Variants in PTPRU observed in about 807,000 individuals in gnomAD.
PTPRU encodes protein tyrosine phosphatase receptor type U.
PTPRU carries 69 observed loss-of-function variants against 166.3 expected under a neutral mutation model. The ratio of observed to expected loss-of-function variants is 0.41; its 90% confidence interval spans 0.34 to 0.51. The LOEUF (loss-of-function observed/expected upper bound fraction) is 0.51. Among genes scored for constraint, PTPRU ranks in the 20% least tolerant of loss-of-function variants. The pLI is 0.09. For synonymous variants in PTPRU, 793 were observed against 814.0 expected, an observed-to-expected ratio of 0.97 and a Z score of 0.44; for missense variants, 1,657 against 2,013.7, an observed-to-expected ratio of 0.82 and a Z score of 3.39.
In PTPRU at chr1:29,325,344, G is replaced by C; in HGVS notation, c.4248+18G>C. On this transcript the variant is annotated intron_variant, in intron 29 of 29. Coordinates refer to ENST00000373779, the MANE Select transcript of PTPRU (RefSeq NM_133178.4). ...AGACCATGGTGAGGGGCTGTGTCCC[G>C]TGCCCAGCCACTTCCACCTTCCTGG... is the stretch of plus-strand genomic sequence containing the variant. 6.2e-7 allele frequency: 1 copy of C among 1,613,330 alleles called. No individual in the cohort carries two copies. Among genetic ancestry groups the C allele is most frequent in the Non-Finnish European group, 8.5e-7 (1 of 1,179,398 alleles).
Position 29,266,010 on chromosome 1 carries a change from G to GTTTTTTTTTTTTT in PTPRU, c.1144+5122_1144+5134dup, listed in dbSNP as rs34163524. 1.5e-4 allele frequency among the ~76,000 whole-genome samples: 12 copies of GTTTTTTTTTTTTT among 79,200 alleles called. 1 individual carries two copies. The highest frequency in any genetic ancestry group is 4.0e-4 in the African/African-American group (9 of 22,472). The allele number at this position is 79,200 out of a possible 152,430, so 52.0% of individuals were successfully genotyped here. Reference sequence around the variant, plus strand: ...CTGTCTCCCAAAGATTTTCTCCTGGGTTTTTTTTTTTTTTTTTTTTTTTTT... The same window carrying GTTTTTTTTTTTTT: ...CTGTCTCCCAAAGATTTTCTCCTGGGTTTTTTTTTTTTTTTTTTTTTTTTTTTTTTTTTTTTTT... On this transcript the variant is annotated intron_variant, in intron 7 of 29. Coordinates refer to ENST00000373779, the MANE Select transcript of PTPRU (RefSeq NM_133178.4).
At chr1:29,275,949 C>T (rs1222234681) in intron 8 of PTPRU, among the ~76,000 whole-genome samples, 193 bp downstream of exon 8, 6 of 152,018 alleles carry the variant, frequency 3.9e-5, no homozygotes, top group Non-Finnish European at 8.8e-5. Flanking sequence ...AATTTCTTTC[C>T]TTAAGTGTTT....
intron 15 of PTPRU, among the ~76,000 whole-genome samples, chr1:29,301,279 A>T (rs1001846714): frequency 6.6e-6 from 1 of 152,198 alleles, no homozygotes; most frequent in Non-Finnish European, 1.5e-5. Context: ...ATAAGATTAT[A>T]ATGGAGTTGA....
In PTPRU at chr1:29,257,867, A is replaced by G. The variant is rs1441884607; in HGVS notation, c.206-638A>G. On this transcript the variant is annotated intron_variant, in intron 2 of 29. Transcript: ENST00000373779. This position sits in a 1 kb window ranked among gnomAD's most constrained non-coding sequence, Gnocchi z 4.6. ...GCCAAGCTCTTGACTCCAGGGATGA[A>G]TGACCTAGTCCCTGTCTCCAGGGAT... Among the ~76,000 whole-genome samples, 1 of 152,072 alleles carries G rather than the reference A, an allele frequency of 6.6e-6. No individual in the cohort carries two copies. Among genetic ancestry groups the G allele is most frequent in the African/African-American group, 2.4e-5 (1 of 41,396 alleles).
In PTPRU at chr1:29,323,433, T is replaced by C. The variant is rs2151972231; in HGVS notation, c.3891T>C (p.Phe1297=). Residue 1297 remains phenylalanine, a synonymous_variant, in exon 27 of 30, where the codon TTT becomes TTC. Coordinates refer to ENST00000373779, the MANE Select transcript of PTPRU (RefSeq NM_133178.4). ...RQQYGLMEVE[F]MSGTADEDLV... is the part of the protein sequence containing the mutation. Reference sequence around the variant, plus strand: ...AATATGGCCTCATGGAGGTGGAGTTTATGTCGGGCACAGCTGATGAAGACT... The same window carrying C: ...AATATGGCCTCATGGAGGTGGAGTTCATGTCGGGCACAGCTGATGAAGACT... 6.2e-7 allele frequency: 1 copy of C among 1,609,834 alleles called. No homozygotes were observed. The highest frequency in any genetic ancestry group is 1.1e-5 in the South Asian group (1 of 90,104).
At chr1:29,308,015 C>A (rs867483281) in intron 18 of PTPRU, among the ~76,000 whole-genome samples, 1 of 152,044 alleles carries the variant, frequency 6.6e-6, no homozygotes, top group African/African-American at 2.4e-5. Context: ...CCTTGGCCTC[C>A]CAAAGTGCTG....
At chr1:29,254,145 T>C (rs1574612464) in intron 1 of PTPRU, among the ~76,000 whole-genome samples, 1 of 152,160 alleles carries the variant, frequency 6.6e-6, no homozygotes, top group South Asian at 2.1e-4. Context: ...CAGGACAGGG[T>C]CTGGCATGGT....
At chr1:29,246,200 T>C (rs1684289907) in intron 1 of PTPRU, among the ~76,000 whole-genome samples, 1 of 152,362 alleles carries the variant, frequency 6.6e-6, no homozygotes, top group South Asian at 2.1e-4. Flanking sequence ...ATGTGCCTCA[T>C]GGCCCAGCCC....
chr1:29,260,674 G>A lies in PTPRU; in HGVS notation c.915G>A (p.Gln305=). The A allele has an allele frequency of 1.3e-6, 2 of 1,565,306 alleles. No homozygotes were observed. The highest frequency in any genetic ancestry group is 1.7e-6 in the Non-Finnish European group (2 of 1,152,924). The stretch of plus-strand genomic sequence containing the variant: ...CTGGCCCCACCTACCTCATCATCCA[G>A]CTCAACACCAACTCCATCATTGGCG... ...LRAGPTYLII[Q]LNTNSIIGDG... The change falls in exon 7 of 30, where the codon CAG becomes CAA. Residue 305 remains glutamine, a synonymous_variant. Transcript: ENST00000373779. This position sits in a 1 kb window ranked among gnomAD's most constrained non-coding sequence, Gnocchi z 8.3.
chr1:29,291,398 A>G lies in PTPRU; in HGVS notation c.2319-471A>G, dbSNP rs554308549. ...GTGTAGTCCCTCCTTCCTGCAGGAG[A>G]AGGAGGAGTCTGGAGAGTGGTCCCT... is the stretch of plus-strand genomic sequence containing the variant. On this transcript the variant is annotated intron_variant, in intron 14 of 29. Transcript: ENST00000373779. The surrounding 1 kb of genome is among the most constrained non-coding windows in gnomAD (Gnocchi z 4.1). 1.3e-5 allele frequency among the ~76,000 whole-genome samples: 2 copies of G among 151,638 alleles called. No homozygotes were observed. The highest frequency in any genetic ancestry group is 2.9e-5 in the Non-Finnish European group (2 of 67,808).
At chr1:29,285,079 C>G (rs911594763) in intron 14 of PTPRU, among the ~76,000 whole-genome samples, 4 of 152,162 alleles carry the variant, frequency 2.6e-5, no homozygotes, top group African/African-American at 9.7e-5. Context: ...AGTGGCATGG[C>G]TGGAGTACAG....
rs1686723373 is a variant in PTPRU at position 29,293,211 on chromosome 1, T to A, written c.2476+1185T>A. On this transcript the variant is annotated intron_variant, in intron 15 of 29. Transcript: ENST00000373779. ...CAGGCTGGTCTTGAACTCCTGACCT[T>A]AGGTGATCCACCCACCTTGGCCTCC... 2.0e-5 allele frequency among the ~76,000 whole-genome samples: 3 copies of A among 152,166 alleles called. No homozygotes were observed. The South Asian group carries it at 6.2e-4, about 32-fold the overall frequency.
In PTPRU at chr1:29,312,755, A is replaced by C. The variant is rs1398040501; in HGVS notation, c.3227+49A>C. 1.6e-5 allele frequency: 25 copies of C among 1,560,460 alleles called. No individual in the cohort carries two copies. In the East Asian group the frequency reaches 5.7e-4, roughly 36 times the overall value. On this transcript the variant is annotated intron_variant, in intron 22 of 29. Coordinates refer to ENST00000373779, the MANE Select transcript of PTPRU (RefSeq NM_133178.4). ...GAGAAAAGGGGCCCTTCTCCCTGGGAATTTGGGCTTGGGGTCAGGTTGGTT... is the reference window on the plus strand; with the variant it reads ...GAGAAAAGGGGCCCTTCTCCCTGGGCATTTGGGCTTGGGGTCAGGTTGGTT...
chr1:29,296,674 A>C (rs1574683603), intron 15 of PTPRU, among the ~76,000 whole-genome samples: 2 of 132,440 alleles, frequency 1.5e-5, no homozygotes, highest in African/African-American at 3.2e-5. Flanking sequence ...ATGCCTTGCT[A>C]CTTTGTTTTT....
At chr1:29,303,309 T>A (rs1279685195) in intron 15 of PTPRU, among the ~76,000 whole-genome samples, 1 of 152,052 alleles carries the variant, frequency 6.6e-6, no homozygotes, top group Non-Finnish European at 1.5e-5. Context: ...CTCCACCCAC[T>A]CCCCCACTGG....
At chr1:29,297,820 A>G (rs1262799122) in intron 15 of PTPRU, among the ~76,000 whole-genome samples, 2 of 152,218 alleles carry the variant, frequency 1.3e-5, no homozygotes, top group African/African-American at 2.4e-5. Flanking sequence ...GCTAATTGCT[A>G]TGTGGATAGT....
At chr1:29,240,754 C>T (rs981312459) in intron 1 of PTPRU, among the ~76,000 whole-genome samples, 4 of 152,192 alleles carry the variant, frequency 2.6e-5, no homozygotes, top group African/African-American at 7.2e-5. Context: ...GTTGGTGAGA[C>T]GTTGAGTCTC....
rs754198351 is a variant in PTPRU, at chr1:29,259,846, AC to A, written c.676-19del. 27 of 1,519,596 alleles carry A rather than the reference AC, an allele frequency of 1.8e-5. No individual in the cohort carries two copies. The South Asian group carries it at 3.3e-4, about 19-fold the overall frequency. 94.1% of individuals were successfully genotyped at this position (1,519,596 alleles called of 1,614,324 possible). A position where few individuals can be genotyped will look rare whatever the true frequency, so the allele number is the denominator to read the frequency against. ...GACCCCTCGCTCCGAGGCGCCCCTGACCCCCTCACTCTCTTCCCTGCAGCGG... is the reference window on the plus strand; with the variant it reads ...GACCCCTCGCTCCGAGGCGCCCCTGACCCCTCACTCTCTTCCCTGCAGCGG... On this transcript the variant is annotated intron_variant, in intron 5 of 29. Coordinates refer to ENST00000373779, the MANE Select transcript of PTPRU (RefSeq NM_133178.4).
At chr1:29,254,275 C>T (rs927265845) in intron 1 of PTPRU, among the ~76,000 whole-genome samples, 7 of 152,290 alleles carry the variant, frequency 4.6e-5, no homozygotes, top group Non-Finnish European at 7.4e-5. Flanking sequence ...GCTTGCAATT[C>T]CTTTCTGAAC....
Sources: gnomAD v4.1 joint callset for allele counts (sites outside exome capture counted in the v4.1 genomes callset) on GRCh38, gnomAD v4.1.1 for gene constraint, Gnocchi (gnomAD v3.1) non-coding constraint, MANE v1.5 for transcripts, NCBI Gene and HGNC (gene_info 2026-07-23, HGNC 2026-07-21) for gene names.